Variants in ERC1 observed in about 807,000 individuals in gnomAD.
The protein encoded by ERC1 is RAB6 interacting protein 2.
A neutral mutation model predicts 132.0 loss-of-function variants in ERC1; 56 were observed. The observed-to-expected ratio is 0.42, with a 90% CI of 0.34 to 0.53. The LOEUF is 0.53. ERC1 is among the 20% of genes least tolerant of loss of function. ERC1 has a pLI of 0.03. For synonymous variants in ERC1, 478 were observed against 476.1 expected (o/e 1.00, Z -0.05); for missense variants, 1,202 against 1,349.9 (o/e 0.89, Z 1.72).
intron 12 of ERC1, chr12:1,190,293 AAAG>A (rs1955582285): frequency 2.1e-5 from 13 of 616,150 alleles, no homozygotes; most frequent in East Asian, 9.8e-5. Context: ...GATTGGCAAA[AAAG>A]AGAGTATTCA....
rs551946334 is a variant in ERC1 at position 1,229,310 on chromosome 12, T to C, written c.2352-7459T>C. The stretch of plus-strand genomic sequence containing the variant: ...TGAGACCAGGAGTTGGAGACCAAAC[T>C]GGGTAACATAGCAAGACTGGTCTCT... On this transcript the variant is annotated intron_variant, in intron 12 of 18. Coordinates refer to ENST00000360905, the MANE Select transcript of ERC1 (RefSeq NM_178040.4). Among the ~76,000 whole-genome samples the C allele has an allele frequency of 3.3e-5, 5 of 152,270 alleles. No individual in the cohort carries two copies. The South Asian group carries it at 1.0e-3, about 32-fold the overall frequency.
At chr12:1,137,809 C>T (rs142191727) in intron 7 of ERC1, among the ~76,000 whole-genome samples, 8,597 of 150,502 alleles carry the variant, frequency 0.057, 800 homozygotes, top group African/African-American at 0.2. Context: ...GCCGAGATTG[C>T]GCCACTGCAC....
At chr12:1,144,814 G>A (rs893033396) in intron 8 of ERC1, among the ~76,000 whole-genome samples, 4 of 151,932 alleles carry the variant, frequency 2.6e-5, no homozygotes, top group African/African-American at 9.7e-5. Context: ...GATACCAGTA[G>A]TGGGATTGCT....
In ERC1 at chr12:1,494,717, G is replaced by T. The variant is rs1236366856; in HGVS notation, c.*4487G>T. On this transcript the variant is annotated 3_prime_UTR_variant, in exon 19 of 19. Coordinates refer to ENST00000360905, the MANE Select transcript of ERC1 (RefSeq NM_178040.4). ...CTCCTCTCTTCTTTCTCTGCTTGTC[G>T]ATATTGTCTGTGTGATTCAGAGAAT... The T allele has an allele frequency of 4.3e-6, 1 of 231,254 alleles. No individual in the cohort carries two copies. The highest frequency in any genetic ancestry group is 5.6e-5 in the Admixed American group (1 of 17,730). 14.3% of individuals were successfully genotyped at this position (231,254 alleles called of 1,614,324 possible). A position where few individuals can be genotyped will look rare whatever the true frequency, so the allele number is the denominator to read the frequency against.
chr12:1,445,283 G>A (rs1008024986), intron 18 of ERC1, among the ~76,000 whole-genome samples: 1 of 142,776 alleles, frequency 7.0e-6, no homozygotes, highest in Admixed American at 7.2e-5. Flanking sequence ...AGGCTGGAGT[G>A]CAATGGTATG....
chr12:1,447,842 G>T lies in ERC1; in HGVS notation c.3213+3092G>T, dbSNP rs569664712. On this transcript the variant is annotated intron_variant, in intron 18 of 18. Transcript: ENST00000360905. ...TTTTTTGTATTTTAGTAGAGATGGG[G>T]TTTCACCATGTTGCCCAGTCTGGTC... Among the ~76,000 whole-genome samples, 19 of 152,160 alleles carry T rather than the reference G, an allele frequency of 1.2e-4. No individual in the cohort carries two copies. The South Asian group carries it at 3.7e-3, about 30-fold the overall frequency.
chr12:1,444,841 T>G, intron 18 of ERC1, 91 bp downstream of exon 18: 1 of 1,224,096 alleles, frequency 8.2e-7, no homozygotes, highest in African/African-American at 1.8e-5. Flanking sequence ...GGGAATCCAG[T>G]TGCCGTGTAG....
rs1565814397 is a variant in ERC1, at chr12:1,028,379, A to G, written c.476A>G (p.Lys159Arg). 4 of 1,614,216 alleles carry G rather than the reference A, an allele frequency of 2.5e-6. No homozygotes were observed. Among genetic ancestry groups the G allele is most frequent in the Non-Finnish European group, 3.4e-6 (4 of 1,180,042 alleles). Residue 159 changes from lysine (K) to arginine (R), a missense_variant, in exon 2 of 19, where the codon AAG (lysine) becomes AGG (arginine). Transcript: ENST00000360905. ...ATCATGGATCTGCAGACACAGCTGA[A>G]GGAAGTATTAAGAGAAAATGATCTC... Reference protein sequence around the residue: ...NTIMDLQTQLKEVLRENDLLR... With the variant: ...NTIMDLQTQLREVLRENDLLR...
intron 12 of ERC1, among the ~76,000 whole-genome samples, chr12:1,209,982 T>G (rs1437767077): frequency 6.6e-6 from 1 of 152,180 alleles, no homozygotes; most frequent in African/African-American, 2.4e-5. Flanking sequence ...TTGGCATGGG[T>G]ACAAGAGTCA....
rs572457886 is a variant in ERC1, at chr12:1,415,556, C to G, written c.3024+7309C>G. Reference sequence around the variant, plus strand: ...CAGTGTACTTATCAGTTGGAAACATCCTAAAATTATTCTCATTGCAACAGT... The same window carrying G: ...CAGTGTACTTATCAGTTGGAAACATGCTAAAATTATTCTCATTGCAACAGT... On this transcript the variant is annotated intron_variant, in intron 17 of 18. Transcript: ENST00000360905. Among the ~76,000 whole-genome samples the G allele has an allele frequency of 2.6e-5, 4 of 152,292 alleles. No individual in the cohort carries two copies. In the South Asian group the frequency reaches 8.3e-4, roughly 32 times the overall value.
At chr12:1,192,474 G>C (rs891159862) in intron 12 of ERC1, among the ~76,000 whole-genome samples, 1 of 152,094 alleles carries the variant, frequency 6.6e-6, no homozygotes, top group Admixed American at 6.6e-5. Flanking sequence ...GCCTGTGTCT[G>C]TCTCCCTATA....
intron 16 of ERC1, among the ~76,000 whole-genome samples, chr12:1,387,580 CAGAG>C (rs2089512423): frequency 1.3e-5 from 2 of 152,142 alleles, no homozygotes; most frequent in Non-Finnish European, 2.9e-5. Flanking sequence ...TTGTGAGAGA[CAGAG>C]AGAAGACAGA....
chr12:1,490,066 G>A, intron 18 of ERC1, 27 bp from the exon 19 acceptor site: 1 of 1,607,198 alleles, frequency 6.2e-7, no homozygotes, highest in Non-Finnish European at 8.5e-7. Context: ...TGTTGTATCT[G>A]AAATCCATCT....
chr12:1,288,587 G>A (rs2079195923), intron 14 of ERC1, among the ~76,000 whole-genome samples: 1 of 152,228 alleles, frequency 6.6e-6, no homozygotes, highest in Non-Finnish European at 1.5e-5. Context: ...CTTTGTTTAG[G>A]TAGGAAGCAC....
intron 8 of ERC1, among the ~76,000 whole-genome samples, chr12:1,155,390 A>C (rs1458939898): frequency 6.6e-6 from 1 of 152,150 alleles, no homozygotes; most frequent in Non-Finnish European, 1.5e-5. Flanking sequence ...CCCAAAGGAA[A>C]AGAAGTCATT....
At chr12:1,325,536 A>T (rs753806825) in intron 15 of ERC1, among the ~76,000 whole-genome samples, 3 of 152,200 alleles carry the variant, frequency 2.0e-5, no homozygotes, top group African/African-American at 7.2e-5. Flanking sequence ...GGCATGTTTC[A>T]TAAAACTTTA....
At position 1,200,159 on chromosome 12, in the gene ERC1, G is replaced by A. The variant is rs1956770380; in HGVS notation, c.2351+10107G>A. On this transcript the variant is annotated intron_variant, in intron 12 of 18. Transcript: ENST00000360905. ...TCTAAAATTTTTATACAATGAAAAT[G>A]GAGGTTTTTATTTTTCATAAATCTT... Among the ~76,000 whole-genome samples the A allele has an allele frequency of 2.6e-5, 4 of 152,064 alleles. No individual in the cohort carries two copies. In the South Asian group the frequency reaches 8.3e-4, roughly 31 times the overall value.
At chr12:1,308,642 T>C (rs1024135136) in intron 15 of ERC1, among the ~76,000 whole-genome samples, 2 of 152,236 alleles carry the variant, frequency 1.3e-5, no homozygotes, top group African/African-American at 4.8e-5. Flanking sequence ...AATAGACATA[T>C]TAGTAATAAT....
rs1002442248 is a variant in ERC1, at chr12:1,493,015, C to G, written c.*2785C>G. Reference sequence around the variant, plus strand: ...GGCAAGTCTAGTTGCCCTTTAGCACCTAAAGATCTGCACCCCAAACCAATG... The same window carrying G: ...GGCAAGTCTAGTTGCCCTTTAGCACGTAAAGATCTGCACCCCAAACCAATG... On this transcript the variant is annotated 3_prime_UTR_variant, in exon 19 of 19. Coordinates refer to ENST00000360905, the MANE Select transcript of ERC1 (RefSeq NM_178040.4). The G allele has an allele frequency of 2.2e-5, 5 of 225,290 alleles. No individual in the cohort carries two copies. The highest frequency in any genetic ancestry group is 3.5e-5 in the Non-Finnish European group (4 of 113,122). The allele number at this position is 225,290 out of a possible 1,614,324, so 14.0% of individuals were successfully genotyped here. A position where few individuals can be genotyped will look rare whatever the true frequency, so the allele number is the denominator to read the frequency against.
Sources: allele counts gnomAD v4.1 joint callset (sites outside exome capture counted in the v4.1 genomes callset), GRCh38; gene constraint gnomAD v4.1.1; transcripts MANE v1.5; gene names NCBI Gene and HGNC (gene_info 2026-07-23, HGNC 2026-07-21).